Variants in ITGB6 observed in about 807,000 individuals in gnomAD.
ITGB6 encodes integrin subunit beta 6.
Under a neutral mutation model 84.5 loss-of-function variants are expected in ITGB6, and 80 were observed. That is an observed-to-expected ratio of 0.95 (90% CI 0.79 to 1.14). The LOEUF is 1.14. Among genes scored for constraint, ITGB6 ranks in the 50% most tolerant of loss-of-function variants. ITGB6 has a pLI of 0.00. For synonymous variants in ITGB6, 383 were observed against 354.9 expected, an observed-to-expected ratio of 1.08 and a Z score of -0.89; for missense variants, 1,006 against 968.0, an observed-to-expected ratio of 1.04 and a Z score of -0.52.
intron 4 of ITGB6, among the ~76,000 whole-genome samples, chr2:160,178,545 C>T (rs938346538): frequency 6.6e-6 from 1 of 152,142 alleles, no homozygotes; most frequent in Non-Finnish European, 1.5e-5. Context: ...ATTTAACTCA[C>T]TAAAGAAATT....
intron 4 of ITGB6, among the ~76,000 whole-genome samples, chr2:160,181,066 T>C (rs1685647505): frequency 6.6e-6 from 1 of 152,160 alleles, no homozygotes; most frequent in African/African-American, 2.4e-5. Flanking sequence ...GGTGGCTGTT[T>C]GGGCAGACAG....
At chr2:160,146,574 A>C (rs1270250295) in intron 7 of ITGB6, among the ~76,000 whole-genome samples, 1 of 152,200 alleles carries the variant, frequency 6.6e-6, no homozygotes, top group Non-Finnish European at 1.5e-5. Context: ...GATGTCATAT[A>C]ATCTGCTCAC....
Position 160,196,517 on chromosome 2 carries a change from C to T in ITGB6, c.142-97G>A, listed in dbSNP as rs1686346329. 7 of 1,012,738 alleles carry T rather than the reference C, an allele frequency of 6.9e-6. No individual in the cohort carries two copies. The Admixed American group carries it at 1.6e-4, about 22-fold the overall frequency. 62.7% of individuals were successfully genotyped at this position (1,012,738 alleles called of 1,614,324 possible). A position where few individuals can be genotyped will look rare whatever the true frequency, so the allele number is the denominator to read the frequency against. ...ATTGAAAGTTTTTCTGCACAATTTG[C>T]TAGTTAAGCATCTTGCCATATTGTA... is the stretch of plus-strand genomic sequence containing the variant. On this transcript the variant is annotated intron_variant, in intron 2 of 14. Transcript: ENST00000283249.
rs1004610395 is a variant in ITGB6, at chr2:160,138,338, A to G, written c.1108-139T>C. On this transcript the variant is annotated intron_variant, in intron 8 of 14. Coordinates refer to ENST00000283249, the MANE Select transcript of ITGB6 (RefSeq NM_000888.5). ...TCTAAAGAAATTCAGTATATCATCA[A>G]TCAAAAGCAAGAAAGTGAGCAATCA... 8 of 731,228 alleles carry G rather than the reference A, an allele frequency of 1.1e-5. No homozygotes were observed. The African/African-American group carries it at 1.4e-4, about 13-fold the overall frequency. 45.3% of individuals were successfully genotyped at this position (731,228 alleles called of 1,614,324 possible). A position where few individuals can be genotyped will look rare whatever the true frequency, so the allele number is the denominator to read the frequency against.
At chr2:160,196,634 G>C (rs746368067) in intron 2 of ITGB6, among the ~76,000 whole-genome samples, 3 of 152,014 alleles carry the variant, frequency 2.0e-5, no homozygotes, top group Non-Finnish European at 2.9e-5. Context: ...AGTAAAACTG[G>C]AGTCTCCTTT....
rs145228522 is a variant in ITGB6 at position 160,162,936 on chromosome 2, C to T, written c.1017+6276G>A. Among the ~76,000 whole-genome samples the T allele has an allele frequency of 1.0e-3, 157 of 152,206 alleles. 1 individual carries two copies. Among genetic ancestry groups the T allele is most frequent in the Non-Finnish European group, 1.8e-3 (123 of 67,994 alleles). Reference sequence around the variant, plus strand: ...ACCCGGCCGAGTGTTTATTATATTACGCCATTTTTCCATATGCTTGAACTA... The same window carrying T: ...ACCCGGCCGAGTGTTTATTATATTATGCCATTTTTCCATATGCTTGAACTA... On this transcript the variant is annotated intron_variant, in intron 7 of 14. Transcript: ENST00000283249.
At chr2:160,185,130 G>A (rs1252759541) in intron 4 of ITGB6, among the ~76,000 whole-genome samples, 1 of 152,070 alleles carries the variant, frequency 6.6e-6, no homozygotes, top group Non-Finnish European at 1.5e-5. Flanking sequence ...TTTTGGCCAG[G>A]GCAATCAGGC....
intron 9 of ITGB6, 37 bp downstream of exon 9, chr2:160,138,028 G>T (rs776075358): frequency 6.3e-7 from 1 of 1,582,340 alleles, no homozygotes; most frequent in Non-Finnish European, 8.6e-7. Flanking sequence ...GACCCATCCA[G>T]GTATTTATTC....
chr2:160,188,014 TTA>T (rs1389486488), intron 4 of ITGB6, among the ~76,000 whole-genome samples: 1 of 152,170 alleles, frequency 6.6e-6, no homozygotes, highest in African/African-American at 2.4e-5. Flanking sequence ...GTCTGTTTTG[TTA>T]TGAGTTCATT....
intron 7 of ITGB6, among the ~76,000 whole-genome samples, chr2:160,150,419 T>C (rs563771447): frequency 7.2e-5 from 11 of 152,280 alleles, no homozygotes; most frequent in African/African-American, 2.6e-4. Context: ...AGAGATTTTG[T>C]CACCACCAGG....
At position 160,113,662 on chromosome 2, in the gene ITGB6, T is replaced by C. The variant is rs184863101; in HGVS notation, c.1982-1463A>G. On this transcript the variant is annotated intron_variant, in intron 12 of 14. Coordinates refer to ENST00000283249, the MANE Select transcript of ITGB6 (RefSeq NM_000888.5). ...GATTCTGGGGACCCACCTTGGGTAT[T>C]CTGATTTGAGAAGTTGGTTGTGTGC... is the stretch of plus-strand genomic sequence containing the variant. Among the ~76,000 whole-genome samples the C allele has an allele frequency of 1.1e-3, 165 of 152,352 alleles. 2 individuals carry two copies. Among genetic ancestry groups the C allele is most frequent in the Non-Finnish European group, 1.6e-3 (111 of 68,026 alleles).
At chr2:160,106,984 A>G (rs1339739709) in intron 14 of ITGB6, among the ~76,000 whole-genome samples, 4 of 152,218 alleles carry the variant, frequency 2.6e-5, no homozygotes, top group South Asian at 2.1e-4. Flanking sequence ...AATTGTTTCT[A>G]TGGGTCTCTA....
At chr2:160,193,204 A>C (rs1219995852) in intron 4 of ITGB6, among the ~76,000 whole-genome samples, 1 of 152,208 alleles carries the variant, frequency 6.6e-6, no homozygotes, top group Non-Finnish European at 1.5e-5. Context: ...GCCTTTTCAT[A>C]ATAGCTCCCC....
chr2:160,121,777 GAA>G (rs61500846), intron 12 of ITGB6, among the ~76,000 whole-genome samples: 2 of 142,938 alleles, frequency 1.4e-5, no homozygotes, highest in African/African-American at 2.6e-5. Context: ...CAAAAAAAAA[GAA>G]AAAAAAAAAG....
intron 12 of ITGB6, among the ~76,000 whole-genome samples, chr2:160,114,636 G>A (rs1041319290): frequency 6.6e-6 from 1 of 152,122 alleles, no homozygotes; most frequent in Non-Finnish European, 1.5e-5. Context: ...ATCTCACTAG[G>A]GAGTGCCAGA....
intron 7 of ITGB6, among the ~76,000 whole-genome samples, chr2:160,150,522 A>T (rs1472273171): frequency 6.6e-6 from 1 of 152,222 alleles, no homozygotes; most frequent in Non-Finnish European, 1.5e-5. Context: ...TGTAAAGGAC[A>T]TCGATGCTAT....
At chr2:160,165,103 C>T (rs114332358) in intron 7 of ITGB6, among the ~76,000 whole-genome samples, 112 of 152,326 alleles carry the variant, frequency 7.4e-4, no homozygotes, top group Middle Eastern at 3.4e-3. Context: ...GGAGATGTCT[C>T]ATAATCCAGA....
chr2:160,128,273 A>C lies in ITGB6; in HGVS notation c.1661-1672T>G, dbSNP rs914933980. ...AATTTGAAAGATACGGGTAGACAAT[A>C]CAAAAAAAAAAAAAGGTTCTATGCA... On this transcript the variant is annotated intron_variant, in intron 10 of 14. Transcript: ENST00000283249. Among the ~76,000 whole-genome samples the C allele has an allele frequency of 5.7e-4, 50 of 88,354 alleles. 1 individual carries two copies. Among genetic ancestry groups the C allele is most frequent in the Non-Finnish European group, 7.4e-5 (3 of 40,660 alleles). The allele number at this position is 88,354 out of a possible 152,430, so 58.0% of individuals were successfully genotyped here. A position where few individuals can be genotyped will look rare whatever the true frequency, so the allele number is the denominator to read the frequency against.
intron 7 of ITGB6, among the ~76,000 whole-genome samples, chr2:160,158,306 C>T (rs1684700579): frequency 6.6e-6 from 1 of 152,168 alleles, no homozygotes; most frequent in Non-Finnish European, 1.5e-5. Flanking sequence ...ATTATCTTGT[C>T]AGCCAAGAAG....
Sources: gnomAD v4.1 joint callset for allele counts (sites outside exome capture counted in the v4.1 genomes callset) on GRCh38, gnomAD v4.1.1 for gene constraint, MANE v1.5 for transcripts, NCBI Gene and HGNC (gene_info 2026-07-23, HGNC 2026-07-21) for gene names.